WIPI1: variants seen among roughly 807,000 people sequenced by gnomAD.
WIPI1 encodes WD repeat domain, phosphoinositide interacting 1, also known as WD repeat domain phosphoinositide-interacting protein 1.
A neutral mutation model predicts 55.3 loss-of-function variants in WIPI1; 45 were observed. That is an observed-to-expected ratio of 0.81 (90% CI 0.64 to 1.04). The LOEUF is 1.04. Among genes scored for constraint, WIPI1 ranks in the 50% least tolerant of loss-of-function variants. WIPI1 has a pLI of 0.00. For missense variants in WIPI1, 445 were observed against 559.0 expected, an observed-to-expected ratio of 0.80 and a Z score of 2.06; for synonymous variants, 195 against 217.6, an observed-to-expected ratio of 0.90 and a Z score of 0.92.
chr17:68,429,399 C>T (rs775212056), intron 9 of WIPI1, among the ~76,000 whole-genome samples: 4 of 152,030 alleles, frequency 2.6e-5, no homozygotes, highest in Admixed American at 6.6e-5. Flanking sequence ...CATAGGAGTC[C>T]GAACCTAGAA....
chr17:68,425,227 A>T (rs1360079668), intron 12 of WIPI1, among the ~76,000 whole-genome samples: 1 of 152,186 alleles, frequency 6.6e-6, no homozygotes, highest in Admixed American at 6.5e-5. Context: ...TTTTTGAGAT[A>T]GAGTCTCACT....
chr17:68,421,503 T>C lies in WIPI1; in HGVS notation c.*270A>G, dbSNP rs78019753. The C allele has an allele frequency of 7.2e-3, 3,376 of 472,060 alleles. 98 individuals carry two copies. The highest frequency in any genetic ancestry group is 0.06 in the African/African-American group (3,115 of 52,086). 29.2% of individuals were successfully genotyped at this position (472,060 alleles called of 1,614,324 possible). On this transcript the variant is annotated 3_prime_UTR_variant, in exon 13 of 13. Coordinates refer to ENST00000262139, the MANE Select transcript of WIPI1 (RefSeq NM_017983.7). ...CTTTTAATATAAAATTCCGGTTATA[T>C]ACCAATATGGTTAATTAGCATTTAC...
intron 8 of WIPI1, among the ~76,000 whole-genome samples, chr17:68,432,838 G>T (rs983369886): frequency 5.3e-5 from 8 of 152,184 alleles, no homozygotes; most frequent in Non-Finnish European, 1.0e-4. Flanking sequence ...ACTGGGGGCT[G>T]CTCCTTTCTC....
chr17:68,455,380 A>G (rs2084621358), intron 1 of WIPI1, among the ~76,000 whole-genome samples: 1 of 150,432 alleles, frequency 6.6e-6, no homozygotes, highest in Non-Finnish European at 1.5e-5. Context: ...AAAAAAAAAA[A>G]GTACCCAAAG....
rs553376080 is a variant in WIPI1 at position 68,456,027 on chromosome 17, A to G, written c.80+1315T>C. 2.6e-5 allele frequency among the ~76,000 whole-genome samples: 4 copies of G among 152,212 alleles called. No individual in the cohort carries two copies. The South Asian group carries it at 8.3e-4, about 31-fold the overall frequency. ...ACTCATGAGTGGATCCTAAAACGCA[A>G]TTCAGTGAGTCACAAGCAGCTTAGA... On this transcript the variant is annotated intron_variant, in intron 1 of 12. Transcript: ENST00000262139.
chr17:68,450,508 G>A (rs1393153741), intron 3 of WIPI1, among the ~76,000 whole-genome samples: 2 of 152,216 alleles, frequency 1.3e-5, no homozygotes, highest in Admixed American at 6.5e-5. Context: ...AGGGACCAAC[G>A]TTCTGGAAAC....
At chr17:68,426,251 G>GGGGGGGGGGGGGGGGT in intron 11 of WIPI1, 76 bp from the exon 12 acceptor site, 1 of 825,460 alleles carries the variant, frequency 1.2e-6, no homozygotes, top group Non-Finnish European at 1.9e-6. Context: ...GTGGGGAGCG[G>GGGGGGGGGGGGGGGGT]GGGCTCAAAT....
intron 9 of WIPI1, 78 bp from the exon 10 acceptor site, chr17:68,429,014 T>A: frequency 9.3e-7 from 1 of 1,078,776 alleles, no homozygotes; most frequent in Non-Finnish European, 1.4e-6. Flanking sequence ...AAAGCCCCCC[T>A]CACCCTAGCT....
chr17:68,428,893 G>C lies in WIPI1; in HGVS notation c.1009C>G (p.His337Asp). 6.2e-7 allele frequency: 1 copy of C among 1,614,138 alleles called. No homozygotes were observed. Among genetic ancestry groups the C allele is most frequent in the Non-Finnish European group, 8.5e-7 (1 of 1,180,022 alleles). ...PRLLVASSSG[H>D]LYMYNLDPQD... ...GGATCCAAATTGTACATATAAAGGTGTCCACTGGATGACGCAACTAGCAGC... is the reference window on the plus strand; with the variant it reads ...GGATCCAAATTGTACATATAAAGGTCTCCACTGGATGACGCAACTAGCAGC... Residue 337 changes from histidine to aspartate, a missense_variant, in exon 10 of 13, where the codon CAC (histidine) becomes GAC (aspartate). Coordinates refer to ENST00000262139, the MANE Select transcript of WIPI1 (RefSeq NM_017983.7).
chr17:68,427,924 C>G (rs909611150), intron 10 of WIPI1, among the ~76,000 whole-genome samples: 2 of 152,202 alleles, frequency 1.3e-5, no homozygotes, highest in Non-Finnish European at 2.9e-5. Flanking sequence ...GGGTCTCACT[C>G]TGTTGCCCAG....
At chr17:68,445,191 A>G (rs926570799) in intron 3 of WIPI1, among the ~76,000 whole-genome samples, 1 of 152,016 alleles carries the variant, frequency 6.6e-6, no homozygotes, top group Non-Finnish European at 1.5e-5. Flanking sequence ...AAGTGCTGGG[A>G]TGATAGGCCT....
chr17:68,441,448 G>T (rs1213539758), intron 4 of WIPI1, among the ~76,000 whole-genome samples: 1 of 152,206 alleles, frequency 6.6e-6, no homozygotes, highest in African/African-American at 2.4e-5. Context: ...ACCCAGCAAG[G>T]ATTTATAAAA....
intron 3 of WIPI1, among the ~76,000 whole-genome samples, chr17:68,447,061 G>A (rs1410930645): frequency 6.6e-6 from 1 of 152,140 alleles, no homozygotes. Flanking sequence ...TCAGCTCCTT[G>A]TCTGTTGCTT....
chr17:68,438,381 T>C (rs2083924070), intron 4 of WIPI1, among the ~76,000 whole-genome samples: 1 of 152,200 alleles, frequency 6.6e-6, no homozygotes, highest in African/African-American at 2.4e-5. Flanking sequence ...CAAATGAAAT[T>C]TCAAGAACAG....
chr17:68,437,950 A>AAAAAAAC (rs2083896359), intron 4 of WIPI1, among the ~76,000 whole-genome samples: 1 of 35,500 alleles, frequency 2.8e-5, no homozygotes. Context: ...ATCTCTCTTA[A>AAAAAAAC]AAAAAAAAAA....
chr17:68,444,472 T>C, intron 4 of WIPI1, 21 bp downstream of exon 4: 3 of 1,601,718 alleles, frequency 1.9e-6, no homozygotes, highest in Non-Finnish European at 2.6e-6. Context: ...CAGGGACATT[T>C]GTTCCATTTT....
chr17:68,426,238 CG>C, intron 11 of WIPI1, 63 bp from the exon 12 acceptor site: 1 of 615,196 alleles, frequency 1.6e-6, no homozygotes, highest in Non-Finnish European at 2.3e-6. Context: ...CATGACCTGG[CG>C]GGTGGGGAGC....
At chr17:68,431,556 G>A (rs1312652533) in intron 8 of WIPI1, among the ~76,000 whole-genome samples, 3 of 152,158 alleles carry the variant, frequency 2.0e-5, no homozygotes, top group Non-Finnish European at 2.9e-5. Flanking sequence ...GAGGTGTCAT[G>A]TTCAAAGGGA....
At chr17:68,434,655 T>C (rs2147868707) in intron 6 of WIPI1, 29 bp from the exon 7 acceptor site, 1 of 1,611,780 alleles carries the variant, frequency 6.2e-7, no homozygotes, top group South Asian at 1.1e-5. Flanking sequence ...GGACATTTCA[T>C]AACCATTAGT....
Sources: gnomAD v4.1 joint callset for allele counts (sites outside exome capture counted in the v4.1 genomes callset) on GRCh38, gnomAD v4.1.1 for gene constraint, MANE v1.5 for transcripts, NCBI Gene and HGNC (gene_info 2026-07-23, HGNC 2026-07-21) for gene names.